Variants in HYDIN observed in about 807,000 individuals in gnomAD.
HYDIN encodes axonemal central pair apparatus protein HYDIN.
A neutral mutation model predicts 403.9 loss-of-function variants in HYDIN; 132 were observed. That is an observed-to-expected ratio of 0.33 (90% confidence interval 0.28 to 0.38). The LOEUF (loss-of-function observed/expected upper bound fraction) is 0.38. Among genes scored for constraint, HYDIN ranks in the 10% least tolerant of loss-of-function variants. HYDIN has a pLI of 1.00. For missense variants in HYDIN, 2,827 were observed against 5,009.5 expected (o/e 0.56, Z 13.15); for synonymous variants, 1,202 against 1,891.7 (o/e 0.64, Z 9.46).
intron 23 of HYDIN, among the ~76,000 whole-genome samples, chr16:71,008,511 T>C (rs1469511887): frequency 6.6e-6 from 1 of 152,186 alleles, no homozygotes; most frequent in Non-Finnish European, 1.5e-5. Flanking sequence ...AATAGCTCCA[T>C]GTTGAAGATT....
chr16:70,871,989 G>A (rs748157203), intron 65 of HYDIN, 48 bp downstream of exon 65: 2 of 1,591,438 alleles, frequency 1.3e-6, no homozygotes, highest in Admixed American at 3.4e-5. Flanking sequence ...GTCTGGGGTT[G>A]GCTTAGGACT....
intron 8 of HYDIN, among the ~76,000 whole-genome samples, chr16:71,134,400 G>A (rs2084832504): frequency 1.3e-5 from 2 of 152,352 alleles, no homozygotes; most frequent in Admixed American, 1.3e-4. Flanking sequence ...GGAAGAAGGT[G>A]CACCCCATTA....
chr16:71,192,171 GATC>G (rs920262635), intron 1 of HYDIN, among the ~76,000 whole-genome samples: 5 of 152,074 alleles, frequency 3.3e-5, no homozygotes, highest in African/African-American at 1.2e-4. Flanking sequence ...CCACACTTTT[GATC>G]ATGACATGAT....
intron 20 of HYDIN, among the ~76,000 whole-genome samples, chr16:71,025,759 G>A (rs2144138889): frequency 6.9e-6 from 1 of 144,112 alleles, no homozygotes; most frequent in South Asian, 2.3e-4. Flanking sequence ...CTGCCCTGAG[G>A]CAGTTGATTT....
intron 45 of HYDIN, among the ~76,000 whole-genome samples, chr16:70,923,497 G>T (rs1297063389): frequency 9.1e-6 from 1 of 110,200 alleles, no homozygotes; most frequent in East Asian, 2.4e-4. Flanking sequence ...AAAGAAAGAA[G>T]GATATTATTA....
chr16:70,996,833 G>T (rs933717352), intron 23 of HYDIN, among the ~76,000 whole-genome samples: 1 of 151,614 alleles, frequency 6.6e-6, no homozygotes, highest in African/African-American at 2.4e-5. Context: ...TTTCATGGAA[G>T]ACAATTTTTC....
At chr16:71,222,146 G>C (rs1172028331) in intron 1 of HYDIN, among the ~76,000 whole-genome samples, 1 of 152,158 alleles carries the variant, frequency 6.6e-6, no homozygotes, top group Admixed American at 6.5e-5. Context: ...TCATGATCAA[G>C]TGGGTTTCAT....
intron 10 of HYDIN, among the ~76,000 whole-genome samples, chr16:71,107,622 A>G (rs1388251298): frequency 4.6e-5 from 7 of 152,110 alleles, no homozygotes; most frequent in African/African-American, 1.7e-4. Flanking sequence ...CCACAATGAG[A>G]TATCATCTCA....
intron 45 of HYDIN, among the ~76,000 whole-genome samples, chr16:70,925,293 T>A (rs1241831499): frequency 6.6e-6 from 1 of 152,370 alleles, no homozygotes; most frequent in South Asian, 2.1e-4. Context: ...TAGACCAGCC[T>A]GGGCAAGCAA....
chr16:70,862,300 G>A (rs773495395), intron 68 of HYDIN, 45 bp from the exon 69 acceptor site: 2 of 1,294,060 alleles, frequency 1.5e-6, no homozygotes, highest in South Asian at 2.7e-5. Flanking sequence ...TTTGCAGTGA[G>A]AGGCAGGTGG....
intron 18 of HYDIN, among the ~76,000 whole-genome samples, chr16:71,032,314 T>G (rs112782129): frequency 4.7e-5 from 7 of 149,384 alleles, no homozygotes; most frequent in African/African-American, 1.5e-4. Flanking sequence ...TTTGTTTTTT[T>G]TTTTTTTGGA....
chr16:71,004,222 G>A (rs2502678), intron 23 of HYDIN, among the ~76,000 whole-genome samples: 11 of 147,818 alleles, frequency 7.4e-5, no homozygotes, highest in South Asian at 2.1e-4. Context: ...GCTGAGGCAG[G>A]AGAATCGCTT....
At chr16:71,229,426 A>G (rs2041183778) in intron 1 of HYDIN, among the ~76,000 whole-genome samples, 3 of 152,252 alleles carry the variant, frequency 2.0e-5, no homozygotes. Flanking sequence ...TTATCAAAAT[A>G]ATAACATATG....
chr16:70,911,598 C>G (rs1240092463), intron 47 of HYDIN, among the ~76,000 whole-genome samples: 1 of 148,346 alleles, frequency 6.7e-6, no homozygotes, highest in Non-Finnish European at 1.5e-5. Flanking sequence ...TATGTGGGCT[C>G]TTTTTTGGTT....
In HYDIN at chr16:71,139,039, G is replaced by T. The variant is rs569830810; in HGVS notation, c.842-1687C>A. On this transcript the variant is annotated intron_variant, in intron 7 of 85. Transcript: ENST00000393567. ...GCGGAGGTTGTGGTGAGCCAAGATC[G>T]TCCCATTGCACTCTACCCTGGGCAA... Among the ~76,000 whole-genome samples the T allele has an allele frequency of 2.1e-4, 31 of 147,824 alleles. No homozygotes were observed. The South Asian group carries it at 6.0e-3, about 29-fold the overall frequency.
intron 18 of HYDIN, among the ~76,000 whole-genome samples, chr16:71,053,325 T>C (rs2081731421): frequency 6.6e-6 from 1 of 152,250 alleles, no homozygotes; most frequent in Non-Finnish European, 1.5e-5. Flanking sequence ...CACTCCTAGA[T>C]ATACTCCCTA....
chr16:70,931,772 T>C (rs1485875920), intron 45 of HYDIN, among the ~76,000 whole-genome samples: 1 of 151,978 alleles, frequency 6.6e-6, no homozygotes, highest in Non-Finnish European at 1.5e-5. Context: ...CCCAGCACTT[T>C]GGGAGGCCAA....
intron 6 of HYDIN, among the ~76,000 whole-genome samples, chr16:71,154,066 T>A (rs1235482344): frequency 7.3e-6 from 1 of 136,556 alleles, no homozygotes; most frequent in Non-Finnish European, 1.6e-5. Context: ...ATTCCTTAAA[T>A]CTTCCCTTAG....
chr16:70,881,224 CAAAAAAAAAAAA>C (rs58562653), intron 60 of HYDIN, among the ~76,000 whole-genome samples: 1 of 56,882 alleles, frequency 1.8e-5, no homozygotes, highest in East Asian at 4.4e-4. Flanking sequence ...GAGACTGTCT[CAAAAAAAAAAAA>C]AAAAAAAATC....
Sources: gnomAD v4.1 joint callset for allele counts (sites outside exome capture counted in the v4.1 genomes callset) on GRCh38, gnomAD v4.1.1 for gene constraint, MANE v1.5 for transcripts, NCBI Gene and HGNC (gene_info 2026-07-23, HGNC 2026-07-21) for gene names.